PSD3: variants seen among roughly 807,000 people sequenced by gnomAD.
The protein encoded by PSD3 is pleckstrin and Sec7 domain containing 3, also known as PH and SEC7 domain-containing protein 3.
Under a neutral mutation model 105.5 loss-of-function variants are expected in PSD3, and 49 were observed. That is an observed-to-expected ratio of 0.46 (90% CI 0.37 to 0.59). PSD3 has a LOEUF of 0.59. Ranked by LOEUF, PSD3 falls within the 20% of genes least tolerant of loss-of-function variation. The pLI, the probability that PSD3 is intolerant of heterozygous loss-of-function variation, is 0.00. For synonymous variants in PSD3, 557 were observed against 457.8 expected, an observed-to-expected ratio of 1.22 and a Z score of -2.77; for missense variants, 1,561 against 1,263.8, an observed-to-expected ratio of 1.24 and a Z score of -3.57.
intron 9 of PSD3, among the ~76,000 whole-genome samples, chr8:18,675,396 T>A (rs1295207890): frequency 6.6e-6 from 1 of 152,186 alleles, no homozygotes. Context: ...GTAATCTTAT[T>A]TATTTACTGG....
intron 9 of PSD3, among the ~76,000 whole-genome samples, chr8:18,738,999 G>T (rs1804361094): frequency 6.6e-6 from 1 of 152,228 alleles, no homozygotes; most frequent in East Asian, 1.9e-4. Context: ...CGGCTCTTAG[G>T]TATCACAGAT....
intron 10 of PSD3, among the ~76,000 whole-genome samples, chr8:18,650,930 A>G (rs1417116159): frequency 6.6e-6 from 1 of 152,194 alleles, no homozygotes; most frequent in African/African-American, 2.4e-5. Flanking sequence ...AGGCCATAAC[A>G]GCTGGGGAAA....
At chr8:18,961,533 T>C (rs1263080616) in intron 1 of PSD3, among the ~76,000 whole-genome samples, 1 of 151,606 alleles carries the variant, frequency 6.6e-6, no homozygotes, top group South Asian at 2.1e-4. Flanking sequence ...TACTAAAAAA[T>C]AGAAAAATTA....
chr8:18,648,373 C>A (rs1033032860), intron 10 of PSD3, among the ~76,000 whole-genome samples: 1 of 152,112 alleles, frequency 6.6e-6, no homozygotes, highest in East Asian at 1.9e-4. Context: ...GTTTGTTATG[C>A]GGAAGCAAAG....
At chr8:19,073,550 CAAAAAAAAAAAAAAAAAAAAA>C (rs869154642) in intron 1 of PSD3, among the ~76,000 whole-genome samples, 3 of 69,126 alleles carry the variant, frequency 4.3e-5, no homozygotes, top group Admixed American at 2.1e-4. Flanking sequence ...AACTGTCTCT[CAAAAAAAAAAAAAAAAAAAAA>C]AAAAAAAAAA....
chr8:18,650,913 C>T (rs1808423155), intron 10 of PSD3, among the ~76,000 whole-genome samples: 1 of 152,056 alleles, frequency 6.6e-6, no homozygotes, highest in Admixed American at 6.5e-5. Flanking sequence ...CATGGTGGTG[C>T]CATAGGAGGC....
chr8:18,979,044 G>T (rs1825108342), intron 1 of PSD3, among the ~76,000 whole-genome samples: 1 of 152,082 alleles, frequency 6.6e-6, no homozygotes, highest in African/African-American at 2.4e-5. Flanking sequence ...TTACCACTGT[G>T]GGCTTATTTT....
At chr8:18,900,911 GCAA>G (rs1819461420) in intron 2 of PSD3, among the ~76,000 whole-genome samples, 1 of 152,162 alleles carries the variant, frequency 6.6e-6, no homozygotes, top group Non-Finnish European at 1.5e-5. Context: ...CATTGCAATA[GCAA>G]CAACAGGTGG....
intron 1 of PSD3, among the ~76,000 whole-genome samples, chr8:18,962,707 G>A (rs1480855584): frequency 6.6e-6 from 1 of 152,128 alleles, no homozygotes; most frequent in African/African-American, 2.4e-5. Flanking sequence ...AGCTTTTGTT[G>A]TTTTAAATCT....
At chr8:18,776,300 A>G (rs1808071009) in intron 8 of PSD3, among the ~76,000 whole-genome samples, 1 of 146,450 alleles carries the variant, frequency 6.8e-6, no homozygotes, top group African/African-American at 2.5e-5. Flanking sequence ...TAATGTATAA[A>G]TATATATAGT....
intron 4 of PSD3, among the ~76,000 whole-genome samples, chr8:18,842,547 C>T (rs1250324705): frequency 6.6e-6 from 1 of 152,090 alleles, no homozygotes; most frequent in East Asian, 1.9e-4. Flanking sequence ...TCCTGGCTAA[C>T]ACGGTGAAAC....
chr8:18,721,019 C>T (rs1397519482), intron 9 of PSD3: 1 of 152,098 alleles, frequency 6.6e-6, no homozygotes, highest in Non-Finnish European at 1.5e-5. Flanking sequence ...AAGGAGTTTA[C>T]ATCACTAGCA....
chr8:18,873,225 T>C (rs960556134), intron 2 of PSD3, among the ~76,000 whole-genome samples: 1 of 152,206 alleles, frequency 6.6e-6, no homozygotes, highest in Non-Finnish European at 1.5e-5. Context: ...TCAGTCAATA[T>C]GTTTTTTCTG....
At chr8:18,990,136 A>C (rs2059657) in intron 1 of PSD3, among the ~76,000 whole-genome samples, 124,885 of 152,202 alleles carry the variant, frequency 0.82, 51,487 homozygotes, top group Middle Eastern at 0.91. Flanking sequence ...ACAAAAGCTC[A>C]CTGATTAATC....
chr8:19,035,371 T>G (rs1467204057), intron 1 of PSD3, among the ~76,000 whole-genome samples: 1 of 152,182 alleles, frequency 6.6e-6, no homozygotes, highest in African/African-American at 2.4e-5. Context: ...ACTATGAACA[T>G]GAAAACTGCT....
At chr8:18,938,724 C>T (rs1002798081) in intron 1 of PSD3, among the ~76,000 whole-genome samples, 1 of 151,648 alleles carries the variant, frequency 6.6e-6, no homozygotes, top group Non-Finnish European at 1.5e-5. Flanking sequence ...TAATGTAATA[C>T]ATGGAATATC....
chr8:18,796,526 T>A (rs1283503293), intron 8 of PSD3, among the ~76,000 whole-genome samples: 1 of 152,308 alleles, frequency 6.6e-6, no homozygotes, highest in East Asian at 1.9e-4. Context: ...AGTAAAATAT[T>A]AGTATACATT....
intron 9 of PSD3, among the ~76,000 whole-genome samples, chr8:18,707,418 G>C (rs1428558245): frequency 6.6e-6 from 1 of 152,166 alleles, no homozygotes; most frequent in East Asian, 1.9e-4. Flanking sequence ...TAATCCAACA[G>C]CTTCAGGGCA....
At chr8:18,757,440 G>A (rs1348984855) in intron 9 of PSD3, among the ~76,000 whole-genome samples, 4 of 152,032 alleles carry the variant, frequency 2.6e-5, no homozygotes, top group Admixed American at 2.0e-4. Flanking sequence ...TTCCAGCCTG[G>A]GCAACAAGGC....
Sources: allele counts gnomAD v4.1 joint callset (sites outside exome capture counted in the v4.1 genomes callset), GRCh38; gene constraint gnomAD v4.1.1; transcripts MANE v1.5; gene names NCBI Gene and HGNC (gene_info 2026-07-23, HGNC 2026-07-21).